Variants in CBLB observed in about 807,000 individuals in gnomAD.
CBLB encodes Cbl proto-oncogene B, also known as E3 ubiquitin-protein ligase CBL-B.
In CBLB, 31 loss-of-function variants were observed where a neutral mutation model predicts 104.9. The ratio of observed to expected loss-of-function variants is 0.30; its 90% CI spans 0.22 to 0.40. CBLB has a LOEUF of 0.40. Among genes scored for constraint, CBLB ranks in the 10% least tolerant of loss-of-function variants. The pLI, the probability that CBLB is intolerant of heterozygous loss-of-function variation, is 1.00. For synonymous variants in CBLB, 440 were observed against 422.6 expected (o/e 1.04, Z -0.51); for missense variants, 1,062 against 1,214.6 (o/e 0.87, Z 1.87).
At chr3:105,844,634 C>T (rs369346540) in intron 3 of CBLB, among the ~76,000 whole-genome samples, 4 of 152,220 alleles carry the variant, frequency 2.6e-5, no homozygotes, top group South Asian at 4.1e-4. Context: ...TCTGAAGAGA[C>T]AAAAGATTAA....
At chr3:105,672,742 C>T (rs138560272) in intron 17 of CBLB, 77 of 152,058 alleles carry the variant, frequency 5.1e-4, no homozygotes, top group African/African-American at 1.7e-3. Context: ...TATAGTACAG[C>T]ACTGCAAAAC....
At chr3:105,772,546 C>T (rs1478017351) in intron 4 of CBLB, among the ~76,000 whole-genome samples, 2 of 152,102 alleles carry the variant, frequency 1.3e-5, no homozygotes, top group Admixed American at 6.6e-5. Flanking sequence ...AGCTTCTGCA[C>T]AGCAAAAGAA....
intron 13 of CBLB, among the ~76,000 whole-genome samples, chr3:105,690,574 A>G (rs2067551761): frequency 6.6e-6 from 1 of 152,208 alleles, no homozygotes; most frequent in South Asian, 2.1e-4. Flanking sequence ...CTGTAATCCC[A>G]GCACTTTGGG....
intron 4 of CBLB, among the ~76,000 whole-genome samples, chr3:105,772,273 G>A (rs2078960819): frequency 1.3e-5 from 2 of 152,056 alleles, no homozygotes; most frequent in African/African-American, 4.8e-5. Context: ...ATTTGGAAAA[G>A]GATACCCTTA....
chr3:105,790,754 C>G (rs2081539047), intron 3 of CBLB, among the ~76,000 whole-genome samples: 1 of 152,150 alleles, frequency 6.6e-6, no homozygotes. Context: ...TGCCAGGCAA[C>G]AAGCCTGGCA....
intron 13 of CBLB, among the ~76,000 whole-genome samples, chr3:105,686,735 T>C (rs535947334): frequency 6.6e-6 from 1 of 152,254 alleles, no homozygotes; most frequent in South Asian, 2.1e-4. Flanking sequence ...TGTATGTTTA[T>C]TGATACCTAT....
chr3:105,865,105 G>C (rs780875195), intron 2 of CBLB, among the ~76,000 whole-genome samples: 4 of 151,944 alleles, frequency 2.6e-5, no homozygotes, highest in Non-Finnish European at 4.4e-5. Flanking sequence ...ATTAACTTCA[G>C]AACTAATAAT....
intron 18 of CBLB, among the ~76,000 whole-genome samples, chr3:105,667,370 T>C (rs2064583470): frequency 6.6e-6 from 1 of 152,102 alleles, no homozygotes; most frequent in South Asian, 2.1e-4. Flanking sequence ...AAAAGCAAAC[T>C]GAGAAATTTG....
chr3:105,774,445 A>G (rs2079225496), intron 4 of CBLB, among the ~76,000 whole-genome samples: 1 of 152,266 alleles, frequency 6.6e-6, no homozygotes, highest in African/African-American at 2.4e-5. Context: ...ATGGTAATGC[A>G]TATAAGTTCC....
intron 2 of CBLB, among the ~76,000 whole-genome samples, chr3:105,867,194 G>T (rs1402186443): frequency 1.3e-5 from 2 of 152,160 alleles, no homozygotes; most frequent in Non-Finnish European, 2.9e-5. Context: ...GAGGAACTCT[G>T]AACCTTAAAG....
At chr3:105,680,656 G>C (rs141683146) in intron 16 of CBLB, among the ~76,000 whole-genome samples, 56 of 152,198 alleles carry the variant, frequency 3.7e-4, no homozygotes, top group Non-Finnish European at 4.9e-4. Flanking sequence ...CAAAATACTA[G>C]TCAGTGGTAC....
chr3:105,712,783 A>G (rs1361791929), intron 10 of CBLB, among the ~76,000 whole-genome samples: 1 of 152,252 alleles, frequency 6.6e-6, no homozygotes, highest in Non-Finnish European at 1.5e-5. Context: ...CAATGAAATT[A>G]TAACTATATA....
At chr3:105,749,727 T>C (rs1177862866) in intron 5 of CBLB, 2 of 300,386 alleles carry the variant, frequency 6.7e-6, no homozygotes, top group South Asian at 5.5e-5. Flanking sequence ...CTTTGTATCA[T>C]GTTAAATAAA....
intron 3 of CBLB, among the ~76,000 whole-genome samples, chr3:105,781,647 C>T (rs2080269767): frequency 6.6e-6 from 1 of 152,078 alleles, no homozygotes; most frequent in Non-Finnish European, 1.5e-5. Context: ...AATTAGATTG[C>T]ATGTAGTCCT....
intron 4 of CBLB, among the ~76,000 whole-genome samples, chr3:105,772,478 T>C (rs1007684036): frequency 2.0e-5 from 3 of 152,144 alleles, no homozygotes; most frequent in Non-Finnish European, 4.4e-5. Context: ...AATTCATGGC[T>C]AAGACCTCAA....
chr3:105,723,632 T>A (rs1424892423), intron 9 of CBLB, among the ~76,000 whole-genome samples: 1 of 152,100 alleles, frequency 6.6e-6, no homozygotes, highest in Non-Finnish European at 1.5e-5. Flanking sequence ...TAAACCTTCA[T>A]AATACTACAT....
intron 3 of CBLB, among the ~76,000 whole-genome samples, chr3:105,793,797 C>A (rs1237667459): frequency 6.6e-6 from 1 of 152,092 alleles, no homozygotes; most frequent in Non-Finnish European, 1.5e-5. Context: ...CATCCACATG[C>A]CTCTAATCAC....
At position 105,780,748 on chromosome 3, in the gene CBLB, C is replaced by T. The variant is rs183707595; in HGVS notation, c.420-4206G>A. On this transcript the variant is annotated intron_variant, in intron 3 of 18. Coordinates refer to ENST00000394030, the MANE Select transcript of CBLB (RefSeq NM_170662.5). ...CGCGATCTCGGCTCACTGCCAGCTC[C>T]ACCTCCCAGGTTCATGCCATTCTCC... Among the ~76,000 whole-genome samples, 301 of 142,410 alleles carry T rather than the reference C, an allele frequency of 2.1e-3. 3 individuals are homozygous for T. Among genetic ancestry groups the T allele is most frequent in the African/African-American group, 7.5e-3 (288 of 38,610 alleles). The allele number at this position is 142,410 out of a possible 152,430, so 93.4% of individuals were successfully genotyped here.
At chr3:105,750,442 GAA>G (rs1437623903) in intron 5 of CBLB, among the ~76,000 whole-genome samples, 1 of 152,044 alleles carries the variant, frequency 6.6e-6, no homozygotes, top group Non-Finnish European at 1.5e-5. Context: ...GTTTCAAAGA[GAA>G]TCAATGTTAC....
Sources: allele counts gnomAD v4.1 joint callset (sites outside exome capture counted in the v4.1 genomes callset), GRCh38; gene constraint gnomAD v4.1.1; transcripts MANE v1.5; gene names NCBI Gene and HGNC (gene_info 2026-07-23, HGNC 2026-07-21).